SLC15A2: variants seen among roughly 807,000 people sequenced by gnomAD.
SLC15A2 encodes the protein solute carrier family 15 member 2.
In SLC15A2, 77 loss-of-function variants were observed where a neutral mutation model predicts 95.5. The observed-to-expected ratio is 0.81, with a 90% CI of 0.67 to 0.97. SLC15A2 has a LOEUF of 0.97. Among genes scored for constraint, SLC15A2 ranks in the 50% least tolerant of loss-of-function variants. SLC15A2 has a pLI of 0.00. For synonymous variants in SLC15A2, 306 were observed against 306.9 expected (o/e 1.00, Z 0.03); for missense variants, 893 against 874.4 (o/e 1.02, Z -0.27).
At chr3:121,895,736 A>G (rs1709403183) in intron 1 of SLC15A2, among the ~76,000 whole-genome samples, 1 of 152,246 alleles carries the variant, frequency 6.6e-6, no homozygotes, top group South Asian at 2.1e-4. Flanking sequence ...GAAAAGCATA[A>G]TTCTTTTAAT....
chr3:121,909,499 G>A (rs562378121), intron 3 of SLC15A2, among the ~76,000 whole-genome samples: 13 of 152,278 alleles, frequency 8.5e-5, no homozygotes, highest in East Asian at 7.7e-4. Flanking sequence ...CTAATATCTC[G>A]TTTCAAATGC....
In SLC15A2 at chr3:121,915,334, G is replaced by A; in HGVS notation, c.619+17G>A. 1 of 1,534,408 alleles carries A rather than the reference G, an allele frequency of 6.5e-7. No homozygotes were observed. The highest frequency in any genetic ancestry group is 9.0e-7 in the Non-Finnish European group (1 of 1,107,724). On this transcript the variant is annotated intron_variant, in intron 6 of 21. Transcript: ENST00000489711. ...TGCTGAGAGGTTAGGATTTTTTTGA[G>A]GGGCCCTGTATAAGGCTTTGCTCTG...
At chr3:121,908,268 T>C (rs753787146) in intron 3 of SLC15A2, among the ~76,000 whole-genome samples, 14 of 152,198 alleles carry the variant, frequency 9.2e-5, no homozygotes, top group Non-Finnish European at 2.1e-4. Flanking sequence ...AGTGTTGCGA[T>C]TTTCCAGGTA....
intron 3 of SLC15A2, among the ~76,000 whole-genome samples, chr3:121,903,308 C>G (rs547815859): frequency 1.4e-4 from 22 of 152,322 alleles, no homozygotes; most frequent in African/African-American, 4.8e-4. Context: ...GTTGCCTGTT[C>G]ACTCTGATGG....
chr3:121,940,841 T>C lies in SLC15A2; in HGVS notation c.2024T>C (p.Phe675Ser), dbSNP rs1334433008. Residue 675 changes from phenylalanine (F) to serine (S), a missense_variant, in exon 22 of 22, where the codon TTC becomes TCC. Coordinates refer to ENST00000489711, the MANE Select transcript of SLC15A2 (RefSeq NM_021082.4). ...QFSGLVQWAEFILFSCLLLVI... is the reference protein window; with the variant it reads ...QFSGLVQWAESILFSCLLLVI... ...TATTTCCCCCTGCAGTGGGCCGAAT[T>C]CATTTTGTTTTCCTGCCTCCTGCTG... is the stretch of plus-strand genomic sequence containing the variant. The C allele has an allele frequency of 5.0e-6, 8 of 1,612,012 alleles. No homozygotes were observed. The South Asian group carries it at 8.8e-5, about 18-fold the overall frequency.
chr3:121,915,718 C>G (rs1335305417), intron 7 of SLC15A2, 25 bp downstream of exon 7: 1 of 1,546,962 alleles, frequency 6.5e-7, no homozygotes, highest in South Asian at 1.1e-5. Context: ...GCAAAGGAAA[C>G]TAATAATCAT....
intron 13 of SLC15A2, among the ~76,000 whole-genome samples, chr3:121,925,608 A>C (rs936028830): frequency 6.7e-6 from 1 of 148,938 alleles, no homozygotes; most frequent in East Asian, 2.0e-4. Flanking sequence ...GCCCTTTGTC[A>C]TTTGTTCATT....
intron 3 of SLC15A2, among the ~76,000 whole-genome samples, chr3:121,899,113 T>C (rs1194579639): frequency 1.3e-5 from 2 of 152,196 alleles, no homozygotes; most frequent in Non-Finnish European, 2.9e-5. Context: ...CTTTTATTTA[T>C]TTTAAAAATA....
intron 2 of SLC15A2, 129 bp from the exon 3 acceptor site, chr3:121,897,259 C>A: frequency 9.7e-7 from 1 of 1,026,642 alleles, no homozygotes; most frequent in Non-Finnish European, 1.4e-6. Flanking sequence ...TCAGTCATGT[C>A]ACTGATAGGA....
At chr3:121,919,064 A>G (rs1367216793) in intron 7 of SLC15A2, among the ~76,000 whole-genome samples, 1 of 152,136 alleles carries the variant, frequency 6.6e-6, no homozygotes, top group Non-Finnish European at 1.5e-5. Flanking sequence ...AAACTCGGAG[A>G]TGCTAGCAAT....
At chr3:121,914,485 C>T (rs1039327159) in intron 5 of SLC15A2, among the ~76,000 whole-genome samples, 2 of 152,172 alleles carry the variant, frequency 1.3e-5, no homozygotes, top group African/African-American at 4.8e-5. Flanking sequence ...GGCAAATCTC[C>T]GTTAAGCACT....
chr3:121,896,385 C>G (rs774958630), intron 1 of SLC15A2, 21 bp from the exon 2 acceptor site: 43 of 1,580,538 alleles, frequency 2.7e-5, no homozygotes, highest in Non-Finnish European at 3.5e-5. Context: ...ATGCTTGAAT[C>G]ATTGCCTTCT....
At chr3:121,915,538 C>A (rs1314816215) in intron 6 of SLC15A2, 78 bp from the exon 7 acceptor site, 23 of 1,134,488 alleles carry the variant, frequency 2.0e-5, no homozygotes, top group Non-Finnish European at 2.9e-5. Flanking sequence ...GTTTATTCAA[C>A]AACCTGAGCT....
At chr3:121,923,337 C>G in intron 11 of SLC15A2, 71 bp downstream of exon 11, 2 of 1,495,614 alleles carry the variant, frequency 1.3e-6, no homozygotes, top group Non-Finnish European at 1.8e-6. Context: ...AAATTAATTT[C>G]TTTGTGATTT....
rs1419618374 is a variant in SLC15A2, at chr3:121,941,954, C to T, written c.*947C>T. 3 of 152,210 alleles carry T rather than the reference C, an allele frequency of 2.0e-5. No homozygotes were observed. Among genetic ancestry groups the T allele is most frequent in the African/African-American group, 7.2e-5 (3 of 41,442 alleles). The allele number at this position is 152,210 out of a possible 1,614,324, so 9.4% of individuals were successfully genotyped here. ...CAAATATTCAATAACAACAATGTTT[C>T]TATAAGTCCAACTTCCTTTATTAAT... On this transcript the variant is annotated 3_prime_UTR_variant, in exon 22 of 22. Transcript: ENST00000489711.
intron 18 of SLC15A2, 72 bp downstream of exon 18, chr3:121,931,022 G>C: frequency 1.0e-6 from 1 of 975,260 alleles, no homozygotes; most frequent in East Asian, 2.4e-5. Flanking sequence ...TTTGTATATA[G>C]GTGGGGAACT....
chr3:121,912,283 G>A (rs1343425114), intron 4 of SLC15A2, among the ~76,000 whole-genome samples: 2 of 152,158 alleles, frequency 1.3e-5, no homozygotes, highest in East Asian at 1.9e-4. Context: ...GCCCAGGCTG[G>A]AGTGCAGTGG....
rs1418204816 is a variant in SLC15A2 at position 121,940,860 on chromosome 3, C to T, written c.2043C>T (p.Leu681=). Residue 681 remains leucine (L), a synonymous_variant, in exon 22 of 22, where the codon CTC becomes CTT. Transcript: ENST00000489711. The part of the protein sequence containing the change: ...QWAEFILFSC[L]LLVICLIFSI... ...CCGAATTCATTTTGTTTTCCTGCCT[C>T]CTGCTGGTGATCTGCCTGATCTTCT... is the stretch of plus-strand genomic sequence containing the variant. 1 of 1,613,144 alleles carries T rather than the reference C, an allele frequency of 6.2e-7. No homozygotes were observed. Among genetic ancestry groups the T allele is most frequent in the East Asian group, 2.2e-5 (1 of 44,896 alleles).
intron 19 of SLC15A2, 112 bp from the exon 20 acceptor site, chr3:121,939,237 G>C: frequency 6.6e-6 from 6 of 911,312 alleles, no homozygotes; most frequent in Non-Finnish European, 6.1e-6. Flanking sequence ...TCCTGAAAAT[G>C]GCTGAAGAAT....
Sources: allele counts gnomAD v4.1 joint callset (sites outside exome capture counted in the v4.1 genomes callset), GRCh38; gene constraint gnomAD v4.1.1; transcripts MANE v1.5; gene names NCBI Gene and HGNC (gene_info 2026-07-23, HGNC 2026-07-21).